Variants in PCYOX1 observed in about 807,000 individuals in gnomAD.
The protein encoded by PCYOX1 is prenylcysteine lyase.
A neutral mutation model predicts 46.4 loss-of-function variants in PCYOX1; 46 were observed. That is an observed-to-expected ratio of 0.99 (90% CI 0.78 to 1.27). The LOEUF (loss-of-function observed/expected upper bound fraction) is 1.27. PCYOX1 is among the 50% of genes most tolerant of loss of function. The pLI is 0.00. For missense variants in PCYOX1, 658 were observed against 628.3 expected (o/e 1.05, Z -0.51); for synonymous variants, 220 against 231.8 (o/e 0.95, Z 0.46).
In PCYOX1 at chr2:70,277,508, A is replaced by C. The variant is rs1696690160; in HGVS notation, c.*116A>C. ...TATTTTGCCATTATCATTGTTTAAT[A>C]AAAGTAATCCCTGCTGGTCATAGGA... On this transcript the variant is annotated 3_prime_UTR_variant, in exon 6 of 6. Transcript: ENST00000433351. 1 of 823,392 alleles carries C rather than the reference A, an allele frequency of 1.2e-6. No individual in the cohort carries two copies. The highest frequency in any genetic ancestry group is 2.6e-5 in the Admixed American group (1 of 38,844). 51.0% of individuals were successfully genotyped at this position (823,392 alleles called of 1,614,324 possible). A position where few individuals can be genotyped will look rare whatever the true frequency, so the allele number is the denominator to read the frequency against.
chr2:70,279,803 A>G lies in PCYOX1; in HGVS notation c.*2411A>G, dbSNP rs546870900. ...GTCTCAGAAAAAAAAAACAAAAACC[A>G]GTTTAGGCTGGGTATGGTGGCTCAC... On this transcript the variant is annotated 3_prime_UTR_variant, in exon 6 of 6. Transcript: ENST00000433351. 6.6e-6 allele frequency: 1 copy of G among 150,528 alleles called. No individual in the cohort carries two copies. The highest frequency in any genetic ancestry group is 6.6e-5 in the Admixed American group (1 of 15,114). The allele number at this position is 150,528 out of a possible 1,614,324, so 9.3% of individuals were successfully genotyped here.
At chr2:70,273,944 G>A (rs1169024007) in intron 3 of PCYOX1, among the ~76,000 whole-genome samples, 1 of 152,222 alleles carries the variant, frequency 6.6e-6, no homozygotes, top group Non-Finnish European at 1.5e-5. Context: ...TTTCAGAGAA[G>A]GTGGGATTCA....
intron 3 of PCYOX1, among the ~76,000 whole-genome samples, chr2:70,265,976 C>T (rs1449182968): frequency 1.3e-5 from 2 of 152,266 alleles, no homozygotes; most frequent in Non-Finnish European, 2.9e-5. Flanking sequence ...CTACTTCTCT[C>T]CAGGATTACT....
At chr2:70,257,949 C>A (rs537281888), upstream of PCYOX1, 11 of 406,416 alleles carry the variant, frequency 2.7e-5, no homozygotes, top group East Asian at 4.7e-4. Context: ...GGCTTCGAGG[C>A]GGCAGGATGT....
chr2:70,262,087 T>TA (rs1696448336), intron 3 of PCYOX1, among the ~76,000 whole-genome samples: 1 of 152,234 alleles, frequency 6.6e-6, no homozygotes, highest in Admixed American at 6.5e-5. Flanking sequence ...TCAGGAAGAC[T>TA]AACATAAAAT....
At chr2:70,258,010 G>T (rs1696367031), upstream of PCYOX1, 6 of 519,454 alleles carry the variant, frequency 1.2e-5, no homozygotes, top group South Asian at 1.7e-4. Context: ...GGGTTGAGAG[G>T]ACCGGCGGGG....
chr2:70,267,120 C>T (rs539027017), intron 3 of PCYOX1, among the ~76,000 whole-genome samples: 2 of 152,032 alleles, frequency 1.3e-5, no homozygotes, highest in African/African-American at 2.4e-5. Context: ...GGGATGGCGG[C>T]GGGGCAGAGA....
At position 70,280,453 on chromosome 2, in the gene PCYOX1, G is replaced by GCAT. The variant is rs1696756317; in HGVS notation, c.*3064_*3066dup. The stretch of plus-strand genomic sequence containing the variant: ...TCCAGTGGCTCTCTGAGTTGAGCAT[G>GCAT]CATCAGTTACCTTAAGGGCTTGTTA... On this transcript the variant is annotated 3_prime_UTR_variant, in exon 6 of 6. Transcript: ENST00000433351. 6.6e-6 allele frequency: 1 copy of GCAT among 152,124 alleles called. No individual in the cohort carries two copies. The highest frequency in any genetic ancestry group is 2.1e-4 in the South Asian group (1 of 4,828). The allele number at this position is 152,124 out of a possible 1,614,324, so 9.4% of individuals were successfully genotyped here.
intron 3 of PCYOX1, among the ~76,000 whole-genome samples, chr2:70,272,355 GA>G (rs769355285): frequency 2.0e-5 from 3 of 152,032 alleles, no homozygotes; most frequent in Admixed American, 6.6e-5. Flanking sequence ...TCAAACTCCT[GA>G]CCTCAAGCGA....
chr2:70,277,278 G>T lies in PCYOX1; in HGVS notation c.1404G>T (p.Glu468Asp). 1 of 1,614,052 alleles carries T rather than the reference G, an allele frequency of 6.2e-7. No individual in the cohort carries two copies. Among genetic ancestry groups the T allele is most frequent in the Non-Finnish European group, 8.5e-7 (1 of 1,179,950 alleles). The change falls in exon 6 of 6, where the codon GAG becomes GAT. Residue 468 changes from glutamate (E) to aspartate (D), a missense_variant. Glu to Asp is a conservative substitution (Grantham distance 45). Transcript: ENST00000433351. Reference protein sequence around the residue: ...NGIECAASAMEMSAIAAHNAA... With the variant: ...NGIECAASAMDMSAIAAHNAA... ...TAGAGTGTGCAGCAAGTGCCATGGA[G>T]ATGAGTGCCATTGCAGCCCACAACG...
chr2:70,258,020 G>A (rs922723325), upstream of PCYOX1: 2 of 547,754 alleles, frequency 3.7e-6, no homozygotes, highest in Non-Finnish European at 6.0e-6. Flanking sequence ...GACCGGCGGG[G>A]CGAGGTCGGG....
rs1187686908 is a variant in PCYOX1, at chr2:70,277,162, A to G, written c.1288A>G (p.Lys430Glu). The change falls in exon 6 of 6, where the codon AAG becomes GAG. Residue 430 changes from lysine to glutamate, a missense_variant. Lys to Glu is a moderately conservative substitution (Grantham distance 56, BLOSUM62 1). Coordinates refer to ENST00000433351, the MANE Select transcript of PCYOX1 (RefSeq NM_016297.4). ...KLFLSYDYAV[K>E]KPWLAYPHYK... ...CTTTCTGTCCTATGATTATGCTGTGAAGAAGCCATGGCTTGCATATCCTCA... is the reference window on the plus strand; with the variant it reads ...CTTTCTGTCCTATGATTATGCTGTGGAGAAGCCATGGCTTGCATATCCTCA... 3 of 1,614,144 alleles carry G rather than the reference A, an allele frequency of 1.9e-6. No homozygotes were observed. Among genetic ancestry groups the G allele is most frequent in the Non-Finnish European group, 2.5e-6 (3 of 1,179,984 alleles).
rs1696594174 is a variant in PCYOX1 at position 70,271,053 on chromosome 2, A to G, written c.495-3906A>G. Among the ~76,000 whole-genome samples, 3 of 151,766 alleles carry G rather than the reference A, an allele frequency of 2.0e-5. No individual in the cohort carries two copies. In the South Asian group the frequency reaches 6.3e-4, roughly 32 times the overall value. ...CAGTTATATTTTTTTAAAAATTATT[A>G]TTTTTTTGTTTTTGTTTTTGTTTTT... is the stretch of plus-strand genomic sequence containing the variant. On this transcript the variant is annotated intron_variant, in intron 3 of 5. Coordinates refer to ENST00000433351, the MANE Select transcript of PCYOX1 (RefSeq NM_016297.4).
chr2:70,261,268 CTG>C lies in PCYOX1; in HGVS notation c.377_378del (p.Leu126ArgfsTer3). 1 of 1,610,992 alleles carries C rather than the reference CTG, an allele frequency of 6.2e-7. No individual in the cohort carries two copies. Among genetic ancestry groups the C allele is most frequent in the Non-Finnish European group, 8.5e-7 (1 of 1,177,124 alleles). On this transcript the variant is annotated frameshift_variant, in exon 3 of 6. Transcript: ENST00000433351. LOFTEE classifies it high-confidence loss of function. ...GLLGIYNGET[L>X]VFEESNWFII... ...ACTGGGGATATATAATGGAGAGACT[CTG>C]GTATTTGAGGAGAGCAACTGGTTCA...
chr2:70,263,243 A>AT (rs1050060863), intron 3 of PCYOX1, among the ~76,000 whole-genome samples: 2 of 151,612 alleles, frequency 1.3e-5, no homozygotes, highest in African/African-American at 2.4e-5. Flanking sequence ...AAAAAAAAAA[A>AT]AGAAAGCTAA....
At position 70,265,480 on chromosome 2, in the gene PCYOX1, C is replaced by T. The variant is rs192303160; in HGVS notation, c.494+4094C>T. Among the ~76,000 whole-genome samples the T allele has an allele frequency of 6.6e-5, 10 of 152,210 alleles. No homozygotes were observed. In the South Asian group the frequency reaches 1.7e-3, roughly 25 times the overall value. ...TGTTGGGATTACAGGCGTGAGCCAC[C>T]GCGCTCAGCCGGATGCCATTCTTTA... On this transcript the variant is annotated intron_variant, in intron 3 of 5. Transcript: ENST00000433351.
At chr2:70,264,809 T>C (rs1419192210) in intron 3 of PCYOX1, among the ~76,000 whole-genome samples, 2 of 150,992 alleles carry the variant, frequency 1.3e-5, no homozygotes, top group East Asian at 3.9e-4. Context: ...AGGTCAGGAG[T>C]TCGAGACCAG....
chr2:70,266,233 A>G lies in PCYOX1; in HGVS notation c.494+4847A>G, dbSNP rs187314936. The stretch of plus-strand genomic sequence containing the variant: ...TAATCACAAGGGTCCTTAGAGAGGC[A>G]GGAGGATCAGGGTAGGTAGTAGGAG... On this transcript the variant is annotated intron_variant, in intron 3 of 5. Coordinates refer to ENST00000433351, the MANE Select transcript of PCYOX1 (RefSeq NM_016297.4). Among the ~76,000 whole-genome samples the G allele has an allele frequency of 4.3e-4, 65 of 152,180 alleles. 1 individual carries two copies. The highest frequency in any genetic ancestry group is 7.2e-4 in the Non-Finnish European group (49 of 68,018).
intron 1 of PCYOX1, 57 bp from the exon 2 acceptor site, chr2:70,259,303 C>G: frequency 1.3e-6 from 2 of 1,492,124 alleles, no homozygotes; most frequent in East Asian, 2.3e-5. Context: ...AAAAACAAAA[C>G]AACTCACAGA....
Sources: gnomAD v4.1 joint callset for allele counts (sites outside exome capture counted in the v4.1 genomes callset) on GRCh38, gnomAD v4.1.1 for gene constraint, MANE v1.5 for transcripts, NCBI Gene and HGNC (gene_info 2026-07-23, HGNC 2026-07-21) for gene names.